The following PRKAG2 variants were observed in gnomAD, a reference collection of about 807,000 sequenced individuals.
The protein encoded by PRKAG2 is 5'-AMP-activated protein kinase subunit gamma-2.
Under a neutral mutation model 69.6 loss-of-function variants are expected in PRKAG2, and 26 were observed. That is an observed-to-expected ratio of 0.37 (90% CI 0.27 to 0.52). The LOEUF (loss-of-function observed/expected upper bound fraction) is 0.52. Among genes scored for constraint, PRKAG2 ranks in the 20% least tolerant of loss-of-function variants. The pLI, the probability that PRKAG2 is intolerant of heterozygous loss-of-function variation, is 0.90. For synonymous variants in PRKAG2, 293 were observed against 285.0 expected (o/e 1.03, Z -0.28); for missense variants, 557 against 740.0 (o/e 0.75, Z 2.87).
chr7:151,778,192 T>C (rs1161486597), intron 3 of PRKAG2, among the ~76,000 whole-genome samples: 1 of 152,108 alleles, frequency 6.6e-6, no homozygotes, highest in Non-Finnish European at 1.5e-5. Flanking sequence ...CCTAGCCCCC[T>C]GCCCATCAAA....
intron 4 of PRKAG2, among the ~76,000 whole-genome samples, chr7:151,636,852 G>A (rs1030353220): frequency 6.6e-6 from 1 of 152,076 alleles, no homozygotes; most frequent in Non-Finnish European, 1.5e-5. Flanking sequence ...CTACAGGTGC[G>A]CACAACCATG....
intron 6 of PRKAG2, among the ~76,000 whole-genome samples, chr7:151,588,280 G>A (rs1246856009): frequency 6.6e-6 from 1 of 150,988 alleles, no homozygotes; most frequent in African/African-American, 2.5e-5. Context: ...TGTCATGGGA[G>A]GGACCCAGTG....
intron 1 of PRKAG2, among the ~76,000 whole-genome samples, chr7:151,796,063 A>G (rs959058977): frequency 5.9e-5 from 9 of 151,412 alleles, no homozygotes; most frequent in African/African-American, 2.2e-4. Flanking sequence ...AAAATAGGAG[A>G]TCTATATGCT....
At chr7:151,862,419 G>A (rs1348396595) in intron 1 of PRKAG2, among the ~76,000 whole-genome samples, 1 of 152,156 alleles carries the variant, frequency 6.6e-6, no homozygotes, top group East Asian at 1.9e-4. Context: ...GTAAAAAACG[G>A]GTTCACTCAG....
chr7:151,698,163 C>T (rs888573626), intron 3 of PRKAG2, among the ~76,000 whole-genome samples: 9 of 152,230 alleles, frequency 5.9e-5, no homozygotes, highest in Admixed American at 2.0e-4. Context: ...GGAGCTCCCT[C>T]GGGAGGAGCG....
intron 1 of PRKAG2, chr7:151,790,436 A>T (rs2077220556): frequency 6.6e-6 from 1 of 152,254 alleles, no homozygotes; most frequent in African/African-American, 2.4e-5. Flanking sequence ...TATTATACTC[A>T]TCTATCAGTT....
rs202151040 is a variant in PRKAG2, at chr7:151,556,179, C to A, written c.*1022G>T. 5 of 143,596 alleles carry A rather than the reference C, an allele frequency of 3.5e-5. No homozygotes were observed. The highest frequency in any genetic ancestry group is 7.7e-5 in the African/African-American group (3 of 38,942). 8.9% of individuals were successfully genotyped at this position (143,596 alleles called of 1,614,324 possible). ...CAATCTGAAAAAAAAAAACCCAAAA[C>A]AAAAAAAAAACAAACTATCCTCATA... On this transcript the variant is annotated 3_prime_UTR_variant, in exon 16 of 16. Coordinates refer to ENST00000287878, the MANE Select transcript of PRKAG2 (RefSeq NM_016203.4).
intron 3 of PRKAG2, chr7:151,736,283 C>T: frequency 7.9e-7 from 1 of 1,268,576 alleles, no homozygotes; most frequent in Non-Finnish European, 1.0e-6. Flanking sequence ...GTCAGCCCGG[C>T]TGTCCTTAAG....
intron 1 of PRKAG2, among the ~76,000 whole-genome samples, chr7:151,858,011 C>T (rs1173918045): frequency 6.6e-6 from 1 of 152,222 alleles, no homozygotes. Flanking sequence ...GCTCCTTTCC[C>T]CCACTGCTGG....
At chr7:151,684,878 C>T (rs60166711) in intron 3 of PRKAG2, among the ~76,000 whole-genome samples, 5,344 of 152,236 alleles carry the variant, frequency 0.035, 240 homozygotes, top group East Asian at 0.23. Context: ...GGCGTGGAGG[C>T]CAGTCCCTGG....
chr7:151,581,398 A>T (rs1012899924), intron 6 of PRKAG2, among the ~76,000 whole-genome samples: 2 of 152,208 alleles, frequency 1.3e-5, no homozygotes, highest in Non-Finnish European at 2.9e-5. Flanking sequence ...TTTCTCTAAT[A>T]AGGGCCAATG....
chr7:151,672,515 T>C (rs1476490044), intron 4 of PRKAG2, among the ~76,000 whole-genome samples: 1 of 152,114 alleles, frequency 6.6e-6, no homozygotes, highest in East Asian at 1.9e-4. Flanking sequence ...AAACTCTGTC[T>C]CCGTCAAACA....
chr7:151,711,049 T>C (rs1211883133), intron 3 of PRKAG2, among the ~76,000 whole-genome samples: 1 of 152,016 alleles, frequency 6.6e-6, no homozygotes, highest in African/African-American at 2.4e-5. Flanking sequence ...AGGCTTAGAG[T>C]ACTGAGAGTG....
At chr7:151,688,829 C>CG (rs1383457156) in intron 3 of PRKAG2, among the ~76,000 whole-genome samples, 1 of 152,158 alleles carries the variant, frequency 6.6e-6, no homozygotes, top group East Asian at 1.9e-4. Flanking sequence ...CAAATCACTT[C>CG]GGGGCCCTTC....
At chr7:151,737,519 A>G (rs781294022) in intron 3 of PRKAG2, among the ~76,000 whole-genome samples, 4 of 152,050 alleles carry the variant, frequency 2.6e-5, no homozygotes, top group African/African-American at 4.8e-5. Flanking sequence ...GGGTGGGATA[A>G]CCTCCCAAAA....
chr7:151,860,338 T>A (rs1003089590), intron 1 of PRKAG2, among the ~76,000 whole-genome samples: 3 of 152,088 alleles, frequency 2.0e-5, no homozygotes, highest in African/African-American at 7.2e-5. Flanking sequence ...TGCAAACATC[T>A]CACTCCTCCA....
intron 3 of PRKAG2, among the ~76,000 whole-genome samples, chr7:151,700,229 G>T (rs1837445790): frequency 6.6e-6 from 1 of 152,176 alleles, no homozygotes; most frequent in Admixed American, 6.5e-5. Flanking sequence ...CGTATTATAC[G>T]CCGGGCTGTG....
At chr7:151,558,519 G>A in intron 15 of PRKAG2, 1 of 957,470 alleles carries the variant, frequency 1.0e-6, no homozygotes, top group Non-Finnish European at 1.2e-6. Context: ...CATTCAGACA[G>A]CGCTCGGGTG....
At chr7:151,767,870 C>A (rs2075822221) in intron 3 of PRKAG2, among the ~76,000 whole-genome samples, 1 of 152,192 alleles carries the variant, frequency 6.6e-6, no homozygotes, top group Non-Finnish European at 1.5e-5. Context: ...GATTATGGAG[C>A]CAGAGTTAAG....
Sources: allele counts gnomAD v4.1 joint callset (sites outside exome capture counted in the v4.1 genomes callset), GRCh38; gene constraint gnomAD v4.1.1; transcripts MANE v1.5; gene names NCBI Gene and HGNC (gene_info 2026-07-23, HGNC 2026-07-21).